Variants in CD226 observed in about 807,000 individuals in gnomAD.
The protein encoded by CD226 is CD226 antigen.
Under a neutral mutation model 34.9 loss-of-function variants are expected in CD226, and 24 were observed. That is an observed-to-expected ratio of 0.69 (90% confidence interval 0.50 to 0.97). The LOEUF (loss-of-function observed/expected upper bound fraction) is 0.97, where lower values mean the gene tolerates loss of function less well. CD226 is among the 50% of genes least tolerant of loss of function. The probability of loss-of-function intolerance (pLI) is 0.00; values close to 1 mark genes in which losing one functional copy is unlikely to be tolerated. For missense variants in CD226, 397 were observed against 412.7 expected, an observed-to-expected ratio of 0.96 and a Z score of 0.33; for synonymous variants, 148 against 147.4, an observed-to-expected ratio of 1.00 and a Z score of -0.03.
chr18:69,945,924 C>G (rs930137238), intron 2 of CD226, among the ~76,000 whole-genome samples: 2 of 151,766 alleles, frequency 1.3e-5, no homozygotes, highest in South Asian at 2.1e-4. Flanking sequence ...TTTTTTAAAC[C>G]ATCAGATCTC....
At chr18:69,922,273 T>C (rs2055461115) in intron 2 of CD226, among the ~76,000 whole-genome samples, 1 of 152,118 alleles carries the variant, frequency 6.6e-6, no homozygotes, top group African/African-American at 2.4e-5. Flanking sequence ...TTGTTGAATG[T>C]CTATAATTTT....
chr18:69,897,629 GAGAA>G (rs1479920231), intron 2 of CD226, among the ~76,000 whole-genome samples: 1 of 124,866 alleles, frequency 8.0e-6, no homozygotes, highest in East Asian at 2.7e-4. Context: ...AAAAGAAATA[GAGAA>G]AGAGAGAAAG....
At chr18:69,934,849 A>C (rs111475575) in intron 2 of CD226, among the ~76,000 whole-genome samples, 9 of 152,330 alleles carry the variant, frequency 5.9e-5, no homozygotes, top group African/African-American at 2.2e-4. Flanking sequence ...GAATAATTTC[A>C]CACTGATCCC....
At chr18:69,886,557 T>C (rs958786612) in intron 3 of CD226, among the ~76,000 whole-genome samples, 7 of 151,886 alleles carry the variant, frequency 4.6e-5, no homozygotes, top group Non-Finnish European at 1.0e-4. Flanking sequence ...AATACAAAAA[T>C]TAGCTGGGCA....
At chr18:69,924,204 G>A (rs983164585) in intron 2 of CD226, among the ~76,000 whole-genome samples, 4 of 151,532 alleles carry the variant, frequency 2.6e-5, no homozygotes, top group Non-Finnish European at 4.4e-5. Flanking sequence ...AAGGACTAAC[G>A]GACTACTTCC....
intron 2 of CD226, among the ~76,000 whole-genome samples, chr18:69,926,434 G>C (rs2055522580): frequency 6.6e-6 from 1 of 152,030 alleles, no homozygotes; most frequent in Admixed American, 6.6e-5. Flanking sequence ...GACTCTGAGA[G>C]TCCCCTTTAT....
At chr18:69,921,498 T>A (rs2055450879) in intron 2 of CD226, among the ~76,000 whole-genome samples, 1 of 152,178 alleles carries the variant, frequency 6.6e-6, no homozygotes, top group South Asian at 2.1e-4. Context: ...AAGGAATGAC[T>A]TCTTAGTCAT....
chr18:69,939,995 C>A (rs1298312448), intron 2 of CD226, among the ~76,000 whole-genome samples: 2 of 152,200 alleles, frequency 1.3e-5, no homozygotes, highest in African/African-American at 2.4e-5. Context: ...TTCCCATAAC[C>A]CTCACGTGTC....
chr18:69,927,847 A>C (rs8089059), intron 2 of CD226, among the ~76,000 whole-genome samples: 7,530 of 152,266 alleles, frequency 0.049, 650 homozygotes, highest in African/African-American at 0.17. Flanking sequence ...GTAGACACTT[A>C]GGTTGCTTCT....
chr18:69,961,667 T>A (rs562893287), upstream of CD226: 1 of 152,220 alleles, frequency 6.6e-6, no homozygotes, highest in Non-Finnish European at 1.5e-5. Context: ...CTTCCTCCAC[T>A]GTTTTTAGTC....
intron 3 of CD226, among the ~76,000 whole-genome samples, chr18:69,879,044 A>C (rs1568163903): frequency 6.6e-6 from 1 of 152,096 alleles, no homozygotes; most frequent in Non-Finnish European, 1.5e-5. Flanking sequence ...TTTATTAGCA[A>C]TTTTCAAAGG....
chr18:69,945,867 T>C (rs1217105337), intron 2 of CD226, among the ~76,000 whole-genome samples: 1 of 152,102 alleles, frequency 6.6e-6, no homozygotes, highest in East Asian at 1.9e-4. Context: ...ACGTCTTACA[T>C]GGATGGCAGC....
chr18:69,861,554 G>GTATATATATGTATATATA lies in CD226; in HGVS notation c.*2759_*2760insTATATATACATATATATA, dbSNP rs1982824888. 1 of 127,948 alleles carries GTATATATATGTATATATA rather than the reference G, an allele frequency of 7.8e-6. No individual in the cohort carries two copies. Among genetic ancestry groups the GTATATATATGTATATATA allele is most frequent in the Admixed American group, 8.5e-5 (1 of 11,704 alleles). The allele number at this position is 127,948 out of a possible 1,614,324, so 7.9% of individuals were successfully genotyped here. A position where few individuals can be genotyped will look rare whatever the true frequency, so the allele number is the denominator to read the frequency against. Reference sequence around the variant, plus strand: ...ATAAATTATATGTGTATATATATATGTATATATATATATATATATGTAAAA... The same window carrying GTATATATATGTATATATA: ...ATAAATTATATGTGTATATATATATGTATATATATGTATATATATATATATATATATATATATGTAAAA... On this transcript the variant is annotated 3_prime_UTR_variant, in exon 6 of 6. Transcript: ENST00000582621.
chr18:69,908,919 T>C (rs562372656), intron 2 of CD226, among the ~76,000 whole-genome samples: 1 of 152,382 alleles, frequency 6.6e-6, no homozygotes, highest in South Asian at 2.1e-4. Context: ...CCAAGAACAC[T>C]GCTATTTATC....
intron 2 of CD226, among the ~76,000 whole-genome samples, chr18:69,923,135 A>C (rs527582178): frequency 6.6e-6 from 1 of 152,086 alleles, no homozygotes; most frequent in Admixed American, 6.5e-5. Flanking sequence ...TGTCTCAAAA[A>C]AGTCAAAGAA....
At chr18:69,952,139 G>A (rs545680312), upstream of CD226, among the ~76,000 whole-genome samples, 20 of 152,124 alleles carry the variant, frequency 1.3e-4, no homozygotes, top group South Asian at 4.2e-4. Context: ...TAGATAGACC[G>A]GGAAGCCATT....
intron 1 of CD226, among the ~76,000 whole-genome samples, chr18:69,954,292 C>T (rs2055878583): frequency 1.3e-5 from 2 of 152,162 alleles, no homozygotes; most frequent in African/African-American, 4.8e-5. Context: ...TCTGTCACAA[C>T]TTTGTGATAA....
chr18:69,920,728 CTG>C (rs2055441124), intron 2 of CD226, among the ~76,000 whole-genome samples: 1 of 152,184 alleles, frequency 6.6e-6, no homozygotes, highest in African/African-American at 2.4e-5. Flanking sequence ...ATTTGAGGCA[CTG>C]TTATTATGAC....
At chr18:69,901,617 A>G (rs2055184241) in intron 2 of CD226, among the ~76,000 whole-genome samples, 1 of 136,812 alleles carries the variant, frequency 7.3e-6, no homozygotes, top group African/African-American at 2.6e-5. Context: ...ACAGTGGCTC[A>G]CACCTGTAAT....
Sources: allele counts gnomAD v4.1 joint callset (sites outside exome capture counted in the v4.1 genomes callset), GRCh38; gene constraint gnomAD v4.1.1; transcripts MANE v1.5; gene names NCBI Gene and HGNC (gene_info 2026-07-23, HGNC 2026-07-21).